Variants in LHFPL3 observed in about 807,000 individuals in gnomAD.
The protein encoded by LHFPL3 is LHFPL tetraspan subfamily member 3, also known as LHFPL tetraspan subfamily member 3 protein.
LHFPL3 carries 5 observed loss-of-function variants against 19.3 expected under a neutral mutation model. The ratio of observed to expected loss-of-function variants is 0.26; its 90% confidence interval spans 0.14 to 0.54. The LOEUF is 0.54. LHFPL3 is among the 20% of genes least tolerant of loss of function. The probability of loss-of-function intolerance (pLI) is 0.94; values close to 1 mark genes in which losing one functional copy is unlikely to be tolerated. For missense variants in LHFPL3, 249 were observed against 307.4 expected (o/e 0.81, Z 1.42); for synonymous variants, 133 against 126.2 (o/e 1.05, Z -0.36).
chr7:104,839,974 A>T (rs921252155), intron 2 of LHFPL3, among the ~76,000 whole-genome samples: 8 of 152,120 alleles, frequency 5.3e-5, no homozygotes, highest in Admixed American at 5.2e-4. Context: ...AAATGAAGCA[A>T]GTTGACTGGA....
At chr7:104,612,799 G>C (rs1791236069) in intron 1 of LHFPL3, among the ~76,000 whole-genome samples, 1 of 152,116 alleles carries the variant, frequency 6.6e-6, no homozygotes, top group Non-Finnish European at 1.5e-5. Flanking sequence ...TTTCCTACCT[G>C]ACTTGCCAAA....
intron 1 of LHFPL3, among the ~76,000 whole-genome samples, chr7:104,615,640 A>G (rs371109886): frequency 2.4e-4 from 36 of 152,254 alleles, no homozygotes; most frequent in African/African-American, 7.9e-4. Context: ...CATCATCTAC[A>G]TTAGGTATTT....
At chr7:104,668,717 T>TTCCC (rs1491310090) in intron 1 of LHFPL3, 1 of 1,270,186 alleles carries the variant, frequency 7.9e-7, no homozygotes, top group African/African-American at 2.0e-5. Context: ...ATGATAGAGG[T>TTCCC]CCCCCCCCCC....
chr7:104,430,492 G>A (rs1224210093), intron 1 of LHFPL3, among the ~76,000 whole-genome samples: 4 of 81,336 alleles, frequency 4.9e-5, no homozygotes, highest in Non-Finnish European at 7.3e-5. Context: ...TTTTTGAGGC[G>A]GAGTCTTGCT....
chr7:104,448,826 G>A (rs1351632689), intron 1 of LHFPL3, among the ~76,000 whole-genome samples: 1 of 152,016 alleles, frequency 6.6e-6, no homozygotes, highest in Non-Finnish European at 1.5e-5. Context: ...TTTAGGCCCT[G>A]GAAAAAATGT....
intron 1 of LHFPL3, among the ~76,000 whole-genome samples, chr7:104,477,513 T>C (rs1438750357): frequency 6.6e-6 from 1 of 152,042 alleles, no homozygotes; most frequent in Non-Finnish European, 1.5e-5. Flanking sequence ...AAAGCAATAA[T>C]GTGTTTCAAA....
chr7:104,412,724 T>C (rs1215730174), intron 1 of LHFPL3, among the ~76,000 whole-genome samples: 2 of 152,152 alleles, frequency 1.3e-5, no homozygotes, highest in African/African-American at 4.8e-5. Context: ...AGAATCTCCA[T>C]TTTATACTAG....
At chr7:104,652,260 A>G (rs1792047187) in intron 1 of LHFPL3, among the ~76,000 whole-genome samples, 1 of 152,146 alleles carries the variant, frequency 6.6e-6, no homozygotes, top group African/African-American at 2.4e-5. Context: ...TGTGTAGAGT[A>G]TGGAGAAAGG....
At position 104,725,656 on chromosome 7, in the gene LHFPL3, C is replaced by T. The variant is rs188599950; in HGVS notation, c.446-11019C>T. On this transcript the variant is annotated intron_variant, in intron 1 of 2. Coordinates refer to ENST00000424859, the MANE Select transcript of LHFPL3 (RefSeq NM_199000.3). ...TTTTAACAATCTTGTTATCACTAGACAATGCCTTAGACAGCAAGTTGAGTA... is the reference window on the plus strand; with the variant it reads ...TTTTAACAATCTTGTTATCACTAGATAATGCCTTAGACAGCAAGTTGAGTA... Among the ~76,000 whole-genome samples, 8 of 152,230 alleles carry T rather than the reference C, an allele frequency of 5.3e-5. 1 individual carries two copies. The East Asian group carries it at 1.5e-3, about 29-fold the overall frequency.
At chr7:104,729,713 G>A (rs1330245995) in intron 1 of LHFPL3, among the ~76,000 whole-genome samples, 1 of 151,694 alleles carries the variant, frequency 6.6e-6, no homozygotes, top group Non-Finnish European at 1.5e-5. Context: ...ATTTTTTGAT[G>A]GTTGAATATA....
chr7:104,674,991 T>C (rs986143439), intron 1 of LHFPL3, among the ~76,000 whole-genome samples: 1 of 152,102 alleles, frequency 6.6e-6, no homozygotes, highest in African/African-American at 2.4e-5. Flanking sequence ...AATATGGAGG[T>C]AGAGACTGAG....
At chr7:104,832,892 G>A (rs1468821686) in intron 2 of LHFPL3, among the ~76,000 whole-genome samples, 4 of 136,726 alleles carry the variant, frequency 2.9e-5, no homozygotes, top group African/African-American at 1.1e-4. Flanking sequence ...CAGGAGAATT[G>A]CTTGAACCTG....
At chr7:104,577,862 A>G (rs1790369675) in intron 1 of LHFPL3, among the ~76,000 whole-genome samples, 1 of 152,204 alleles carries the variant, frequency 6.6e-6, no homozygotes, top group Admixed American at 6.6e-5. Context: ...GACATCTTTA[A>G]TAAGTGCTTA....
chr7:104,334,527 G>A (rs1198629774), intron 1 of LHFPL3, among the ~76,000 whole-genome samples: 2 of 152,180 alleles, frequency 1.3e-5, no homozygotes, highest in South Asian at 2.1e-4. Context: ...AGACTGGGCA[G>A]CAGAGTGAGA....
rs1308919382 is a variant in LHFPL3, at chr7:104,795,790, A to G, written c.682+58879A>G. ...TCTAGCTCCAAACAGCCCCTAGAAT[A>G]TTTCCTTTTCCTAGATTACTCATAG... On this transcript the variant is annotated intron_variant, in intron 2 of 2. Coordinates refer to ENST00000424859, the MANE Select transcript of LHFPL3 (RefSeq NM_199000.3). Among the ~76,000 whole-genome samples the G allele has an allele frequency of 4.6e-5, 7 of 152,146 alleles. No individual in the cohort carries two copies. The East Asian group carries it at 1.3e-3, about 29-fold the overall frequency.
intron 1 of LHFPL3, among the ~76,000 whole-genome samples, chr7:104,501,951 G>T (rs993752317): frequency 1.3e-5 from 2 of 152,044 alleles, no homozygotes; most frequent in Admixed American, 1.3e-4. Flanking sequence ...TACTGTTCTA[G>T]GAATCAAATT....
chr7:104,400,570 T>TC (rs1325280349), intron 1 of LHFPL3, among the ~76,000 whole-genome samples: 6 of 152,204 alleles, frequency 3.9e-5, no homozygotes, highest in Non-Finnish European at 1.5e-5. Context: ...GCCCAATATT[T>TC]CCAGTTTTCT....
At chr7:104,332,672 C>T (rs533201971) in intron 1 of LHFPL3, among the ~76,000 whole-genome samples, 4 of 152,212 alleles carry the variant, frequency 2.6e-5, no homozygotes, top group African/African-American at 7.2e-5. Flanking sequence ...TGATGTTGCT[C>T]GTTCATCTAG....
At chr7:104,440,683 T>C (rs1219041525) in intron 1 of LHFPL3, among the ~76,000 whole-genome samples, 1 of 152,188 alleles carries the variant, frequency 6.6e-6, no homozygotes, top group Non-Finnish European at 1.5e-5. Flanking sequence ...GCAATTTATA[T>C]AGTTTTACCT....
Sources: gnomAD v4.1 joint callset for allele counts (sites outside exome capture counted in the v4.1 genomes callset) on GRCh38, gnomAD v4.1.1 for gene constraint, MANE v1.5 for transcripts, NCBI Gene and HGNC (gene_info 2026-07-23, HGNC 2026-07-21) for gene names.